CEP112: variants seen among roughly 807,000 people sequenced by gnomAD.
The protein encoded by CEP112 is centrosomal protein 112.
Under a neutral mutation model 153.0 loss-of-function variants are expected in CEP112, and 127 were observed. The observed-to-expected ratio is 0.83, with a 90% CI of 0.72 to 0.96. The LOEUF (loss-of-function observed/expected upper bound fraction) is 0.96, where lower values mean the gene tolerates loss of function less well. CEP112 is among the 40% of genes least tolerant of loss of function. The pLI, the probability that CEP112 is intolerant of heterozygous loss-of-function variation, is 0.00. For synonymous variants in CEP112, 358 were observed against 374.4 expected (o/e 0.96, Z 0.51); for missense variants, 1,089 against 1,101.2 (o/e 0.99, Z 0.16).
Position 65,800,623 on chromosome 17 carries a change from C to T in CEP112, c.2395-49899G>A, listed in dbSNP as rs188492458. Among the ~76,000 whole-genome samples, 3 of 152,260 alleles carry T rather than the reference C, an allele frequency of 2.0e-5. No individual in the cohort carries two copies. In the East Asian group the frequency reaches 5.8e-4, roughly 29 times the overall value. ...TACATTTTCAATTATCTTGGTATAT[C>T]CCCTAGGAGAGGAAATGCTGGATTT... On this transcript the variant is annotated intron_variant, in intron 21 of 26. Coordinates refer to ENST00000535342, the MANE Select transcript of CEP112 (RefSeq NM_001199165.4).
intron 6 of CEP112, among the ~76,000 whole-genome samples, chr17:66,099,528 T>G (rs1451504490): frequency 8.4e-6 from 1 of 119,228 alleles, no homozygotes; most frequent in Admixed American, 8.8e-5. Context: ...AAAAAAAGAA[T>G]AAAGAAGACA....
At chr17:66,076,216 G>A (rs1363492418) in intron 8 of CEP112, among the ~76,000 whole-genome samples, 1 of 149,538 alleles carries the variant, frequency 6.7e-6, no homozygotes, top group Non-Finnish European at 1.5e-5. Flanking sequence ...CCAGAACTCA[G>A]AGAAAGGTGC....
At chr17:65,996,811 A>G (rs1257569011) in intron 17 of CEP112, among the ~76,000 whole-genome samples, 4 of 152,258 alleles carry the variant, frequency 2.6e-5, no homozygotes, top group Non-Finnish European at 5.9e-5. Flanking sequence ...TTACAAAGTA[A>G]GATTGATAAA....
intron 23 of CEP112, among the ~76,000 whole-genome samples, chr17:65,729,258 T>C (rs984993425): frequency 6.6e-6 from 1 of 152,146 alleles, no homozygotes; most frequent in Admixed American, 6.5e-5. Context: ...AGTTACTAGG[T>C]GGTAAGGTTT....
intron 12 of CEP112, among the ~76,000 whole-genome samples, chr17:66,052,040 G>T (rs1465887556): frequency 6.6e-6 from 1 of 152,176 alleles, no homozygotes; most frequent in Non-Finnish European, 1.5e-5. Context: ...ATTTTATAAT[G>T]AAGTATAGGG....
At chr17:65,678,900 G>A (rs1316325581) in intron 24 of CEP112, among the ~76,000 whole-genome samples, 1 of 152,042 alleles carries the variant, frequency 6.6e-6, no homozygotes, top group African/African-American at 2.4e-5. Flanking sequence ...TCTCAAGAAA[G>A]CAAAGATGAA....
At chr17:65,831,223 T>A (rs2057064059) in intron 21 of CEP112, among the ~76,000 whole-genome samples, 1 of 152,148 alleles carries the variant, frequency 6.6e-6, no homozygotes, top group African/African-American at 2.4e-5. Context: ...GCTGACAAAC[T>A]GTGAAATATC....
intron 20 of CEP112, among the ~76,000 whole-genome samples, chr17:65,857,883 T>C (rs1166961767): frequency 6.6e-6 from 1 of 152,240 alleles, no homozygotes; most frequent in African/African-American, 2.4e-5. Context: ...TGATATTGTA[T>C]ATCTGGAAAA....
Position 65,743,094 on chromosome 17 carries a change from T to G in CEP112, c.2581A>C (p.Ile861Leu). ...TTGATTGCTTGGTCATTATCTCTAATCAGCTGCTTCTTCTCATCTTCAAAC... is the reference window on the plus strand; with the variant it reads ...TTGATTGCTTGGTCATTATCTCTAAGCAGCTGCTTCTTCTCATCTTCAAAC... ...QKFEDEKKQLIRDNDQAIKVL... is the reference protein window; with the variant it reads ...QKFEDEKKQLLRDNDQAIKVL... Residue 861 changes from isoleucine (I) to leucine (L), a missense_variant, in exon 23 of 27, where the codon ATT (isoleucine) becomes CTT (leucine). Transcript: ENST00000535342. 6.2e-7 allele frequency: 1 copy of G among 1,611,644 alleles called. No individual in the cohort carries two copies. The highest frequency in any genetic ancestry group is 1.1e-5 in the South Asian group (1 of 90,488).
intron 23 of CEP112, among the ~76,000 whole-genome samples, chr17:65,731,324 T>C (rs1255345756): frequency 1.3e-5 from 2 of 152,224 alleles, no homozygotes; most frequent in African/African-American, 2.4e-5. Context: ...AAGTCATGTT[T>C]ACACTATACT....
chr17:66,055,910 G>C (rs1444543321), intron 11 of CEP112, among the ~76,000 whole-genome samples: 3 of 152,162 alleles, frequency 2.0e-5, no homozygotes, highest in Non-Finnish European at 4.4e-5. Context: ...AATTTTATTA[G>C]TACCTGCTAT....
intron 19 of CEP112, among the ~76,000 whole-genome samples, chr17:65,903,502 A>G (rs566654831): frequency 3.3e-5 from 5 of 152,336 alleles, no homozygotes; most frequent in Non-Finnish European, 5.9e-5. Context: ...TTTGCTTTAA[A>G]ACATAGGTTT....
chr17:65,844,424 G>A (rs1568104503), intron 21 of CEP112, among the ~76,000 whole-genome samples: 1 of 152,144 alleles, frequency 6.6e-6, no homozygotes, highest in African/African-American at 2.4e-5. Context: ...AGTGGCTCAT[G>A]CCTATAATCA....
chr17:66,117,983 T>A (rs1203479636), intron 6 of CEP112, among the ~76,000 whole-genome samples: 2 of 152,092 alleles, frequency 1.3e-5, no homozygotes, highest in African/African-American at 4.8e-5. Flanking sequence ...TCAGTTAAAA[T>A]GGCTTATATC....
intron 21 of CEP112, among the ~76,000 whole-genome samples, chr17:65,790,385 A>C (rs2054521562): frequency 6.6e-6 from 1 of 152,154 alleles, no homozygotes; most frequent in African/African-American, 2.4e-5. Context: ...AGCAGTAACT[A>C]GGGAAGATGC....
intron 23 of CEP112, among the ~76,000 whole-genome samples, chr17:65,742,110 T>TA (rs2051173345): frequency 6.6e-6 from 1 of 151,900 alleles, no homozygotes; most frequent in African/African-American, 2.4e-5. Context: ...TGTCTCAGCT[T>TA]AAAGGGAATA....
intron 21 of CEP112, among the ~76,000 whole-genome samples, chr17:65,766,075 CAA>C (rs542987749): frequency 6.9e-6 from 1 of 145,900 alleles, no homozygotes; most frequent in South Asian, 2.3e-4. Flanking sequence ...AAAAAAATTA[CAA>C]GAGAATATAG....
At chr17:66,081,556 G>A (rs1341261526) in intron 8 of CEP112, among the ~76,000 whole-genome samples, 1 of 151,594 alleles carries the variant, frequency 6.6e-6, no homozygotes, top group Non-Finnish European at 1.5e-5. Flanking sequence ...GTCAATAACT[G>A]TGGCTTTCTT....
intron 5 of CEP112, 33 bp downstream of exon 5, chr17:66,132,637 C>G: frequency 6.7e-7 from 1 of 1,485,832 alleles, no homozygotes; most frequent in Non-Finnish European, 9.4e-7. Flanking sequence ...AAACAACAAG[C>G]AAAAACCAAA....
Sources: gnomAD v4.1 joint callset for allele counts (sites outside exome capture counted in the v4.1 genomes callset) on GRCh38, gnomAD v4.1.1 for gene constraint, MANE v1.5 for transcripts, NCBI Gene and HGNC (gene_info 2026-07-23, HGNC 2026-07-21) for gene names.